Variants in DISP1 observed in about 807,000 individuals in gnomAD.
The protein encoded by DISP1 is protein dispatched homolog 1.
In DISP1, 30 loss-of-function variants were observed where a neutral mutation model predicts 37.3. The ratio of observed to expected loss-of-function variants is 0.80; its 90% CI spans 0.60 to 1.09. The LOEUF (loss-of-function observed/expected upper bound fraction) is 1.09. Ranked by LOEUF, DISP1 falls within the 50% of genes least tolerant of loss-of-function variation. The probability of loss-of-function intolerance (pLI) is 0.00; values close to 1 mark genes in which losing one functional copy is unlikely to be tolerated. For synonymous variants in DISP1, 634 were observed against 690.2 expected, an observed-to-expected ratio of 0.92 and a Z score of 1.28; for missense variants, 1,598 against 1,879.5, an observed-to-expected ratio of 0.85 and a Z score of 2.77.
intron 1 of DISP1, among the ~76,000 whole-genome samples, chr1:222,903,596 C>A (rs936635633): frequency 2.6e-5 from 4 of 151,894 alleles, no homozygotes; most frequent in African/African-American, 9.7e-5. Flanking sequence ...TTTTTTCTTT[C>A]CCTTTGTGAT....
At chr1:222,985,150 T>A (rs887454291) in intron 4 of DISP1, among the ~76,000 whole-genome samples, 1 of 152,170 alleles carries the variant, frequency 6.6e-6, no homozygotes, top group African/African-American at 2.4e-5. Flanking sequence ...CTTTTGCAAA[T>A]GACTAAAAAT....
intron 2 of DISP1, among the ~76,000 whole-genome samples, chr1:222,940,770 A>T (rs1033728411): frequency 2.6e-5 from 4 of 152,208 alleles, no homozygotes; most frequent in African/African-American, 9.7e-5. Context: ...GATTCCCATC[A>T]GCTGTGATAG....
intron 1 of DISP1, among the ~76,000 whole-genome samples, chr1:222,884,079 T>A (rs1307773826): frequency 1.3e-5 from 2 of 152,202 alleles, no homozygotes; most frequent in Non-Finnish European, 2.9e-5. Flanking sequence ...TAACCACTGC[T>A]GCTGAATAAA....
chr1:222,818,093 T>A (rs1166959688), intron 1 of DISP1, among the ~76,000 whole-genome samples: 2 of 152,106 alleles, frequency 1.3e-5, no homozygotes, highest in Non-Finnish European at 2.9e-5. Context: ...ATTAGTTTTG[T>A]TTTTAATTTT....
intron 3 of DISP1, among the ~76,000 whole-genome samples, chr1:222,948,405 GATAGAGCTGC>G (rs1674953163): frequency 6.6e-6 from 1 of 152,200 alleles, no homozygotes; most frequent in Non-Finnish European, 1.5e-5. Context: ...TGTGCTCTTC[GATAGAGCTGC>G]TATCTATGTA....
At chr1:222,896,430 G>A (rs2125396702) in intron 1 of DISP1, among the ~76,000 whole-genome samples, 1 of 152,126 alleles carries the variant, frequency 6.6e-6, no homozygotes, top group South Asian at 2.1e-4. Flanking sequence ...TTGAAGCCCC[G>A]TCTGTACTAA....
intron 1 of DISP1, among the ~76,000 whole-genome samples, chr1:222,886,309 T>A (rs576906546): frequency 6.6e-6 from 1 of 152,362 alleles, no homozygotes; most frequent in East Asian, 1.9e-4. Context: ...ATAATACCAA[T>A]GATAGGAGCA....
At chr1:222,875,664 A>G (rs2125355773) in intron 1 of DISP1, among the ~76,000 whole-genome samples, 1 of 149,470 alleles carries the variant, frequency 6.7e-6, no homozygotes, top group Admixed American at 6.7e-5. Context: ...TAAAAAAAAA[A>G]AAAAAAAAAA....
At position 223,005,395 on chromosome 1, in the gene DISP1, A is replaced by G. The variant is rs1679827532; in HGVS notation, c.3998A>G (p.His1333Arg). Reference protein sequence around the residue: ...EGFVHPITHIHHCPCLQGRVK... With the variant: ...EGFVHPITHIRHCPCLQGRVK... The stretch of plus-strand genomic sequence containing the variant: ...TTTGTGCACCCCATCACGCACATCC[A>G]CCACTGTCCCTGCCTGCAGGGCAGA... The change falls in exon 9 of 9, where the codon CAC (histidine) becomes CGC (arginine). Residue 1333 changes from histidine (H) to arginine (R), a missense_variant. Coordinates refer to ENST00000675850, the MANE Select transcript of DISP1 (RefSeq NM_001377229.1). 3.1e-6 allele frequency: 5 copies of G among 1,613,394 alleles called. No homozygotes were observed. In the African/African-American group the frequency reaches 6.7e-5, roughly 22 times the overall value.
rs1254627698 is a variant in DISP1 at position 222,984,401 on chromosome 1, C to G, written c.539+1292C>G. 7.6e-4 allele frequency among the ~76,000 whole-genome samples: 14 copies of G among 18,494 alleles called. No individual in the cohort carries two copies. In the East Asian group the frequency reaches 0.012, roughly 16 times the overall value. The allele number at this position is 18,494 out of a possible 152,430, so 12.1% of individuals were successfully genotyped here. Reference sequence around the variant, plus strand: ...CCTGGGTGGCAGAGCCAGACTCTGTCTCAAAAAAAAAAAAAAAAAAATATA... The same window carrying G: ...CCTGGGTGGCAGAGCCAGACTCTGTGTCAAAAAAAAAAAAAAAAAAATATA... On this transcript the variant is annotated intron_variant, in intron 4 of 8. Transcript: ENST00000675850.
At chr1:222,903,616 A>G (rs1671737894) in intron 1 of DISP1, among the ~76,000 whole-genome samples, 1 of 152,188 alleles carries the variant, frequency 6.6e-6, no homozygotes, top group Non-Finnish European at 1.5e-5. Flanking sequence ...TGAGAGGGAA[A>G]ACAAAGTTCT....
Position 222,883,616 on chromosome 1 carries a change from A to AAAAT in DISP1, c.-158-44798_-158-44795dup, listed in dbSNP as rs539695965. 6.4e-3 allele frequency among the ~76,000 whole-genome samples: 975 copies of AAAAT among 152,298 alleles called. 7 individuals are homozygous for AAAAT. Among genetic ancestry groups the AAAAT allele is most frequent in the African/African-American group, 9.8e-3 (409 of 41,558 alleles). ...TGGCGACAGAGCGAGACTCTGTCTC[A>AAAAT]AAATAAATAAATAAATAAAGATTAT... On this transcript the variant is annotated intron_variant, in intron 1 of 8. Transcript: ENST00000675850.
At chr1:222,939,619 A>G (rs1171164990) in intron 2 of DISP1, among the ~76,000 whole-genome samples, 1 of 151,596 alleles carries the variant, frequency 6.6e-6, no homozygotes, top group Non-Finnish European at 1.5e-5. Context: ...ACCTGAGGTC[A>G]GGAGTTCGAG....
chr1:222,949,934 G>T (rs890192877), intron 3 of DISP1, among the ~76,000 whole-genome samples: 1 of 152,116 alleles, frequency 6.6e-6, no homozygotes, highest in Non-Finnish European at 1.5e-5. Flanking sequence ...GCCACAATAA[G>T]GAATTTTAAA....
intron 1 of DISP1, among the ~76,000 whole-genome samples, chr1:222,818,038 A>T (rs1299912094): frequency 6.6e-6 from 1 of 152,228 alleles, no homozygotes; most frequent in Non-Finnish European, 1.5e-5. Flanking sequence ...ACAATGGCAA[A>T]TATTGTAGAA....
At chr1:222,982,875 G>A (rs1488294268) in intron 3 of DISP1, among the ~76,000 whole-genome samples, 3 of 151,998 alleles carry the variant, frequency 2.0e-5, no homozygotes, top group Non-Finnish European at 4.4e-5. Context: ...AGCCACTCGA[G>A]CTGTCTCTAC....
Position 223,005,509 on chromosome 1 carries a change from A to G in DISP1, c.4112A>G (p.Lys1371Arg). 1 of 1,614,104 alleles carries G rather than the reference A, an allele frequency of 6.2e-7. No individual in the cohort carries two copies. Among genetic ancestry groups the G allele is most frequent in the Non-Finnish European group, 8.5e-7 (1 of 1,180,034 alleles). Residue 1371 changes from lysine (K) to arginine (R), a missense_variant, in exon 9 of 9, where the codon AAG (lysine) becomes AGG (arginine). By Grantham distance (26) the Lys-to-Arg change is conservative. Coordinates refer to ENST00000675850, the MANE Select transcript of DISP1 (RefSeq NM_001377229.1). ...QHIQAQEKIGKTNVHSLQRSI... is the reference protein window; with the variant it reads ...QHIQAQEKIGRTNVHSLQRSI... ...ATTCAGGCCCAAGAAAAAATTGGCA[A>G]GACCAATGTACACAGTCTTCAGAGG...
At chr1:222,965,044 C>T (rs917093340) in intron 3 of DISP1, among the ~76,000 whole-genome samples, 2 of 151,938 alleles carry the variant, frequency 1.3e-5, no homozygotes, top group African/African-American at 4.8e-5. Context: ...TCCATGTTAA[C>T]TCAAATCATA....
At chr1:222,833,583 C>A (rs180812805) in intron 1 of DISP1, among the ~76,000 whole-genome samples, 1 of 152,218 alleles carries the variant, frequency 6.6e-6, no homozygotes, top group East Asian at 1.9e-4. Context: ...TGGTGCTGTG[C>A]CTTGTTCTTT....
Sources: gnomAD v4.1 joint callset for allele counts (sites outside exome capture counted in the v4.1 genomes callset) on GRCh38, gnomAD v4.1.1 for gene constraint, MANE v1.5 for transcripts, NCBI Gene and HGNC (gene_info 2026-07-23, HGNC 2026-07-21) for gene names.